The following ZNF28 variants were observed in gnomAD, a reference collection of about 807,000 sequenced individuals.
The protein encoded by ZNF28 is zinc finger protein 28, also known as zinc finger protein KOX24.
Under a neutral mutation model 7.2 loss-of-function variants are expected in ZNF28, and 5 were observed. The ratio of observed to expected loss-of-function variants is 0.70; its 90% CI spans 0.36 to 1.46. The LOEUF (loss-of-function observed/expected upper bound fraction) is 1.46, where lower values mean the gene tolerates loss of function less well. Among genes scored for constraint, ZNF28 ranks in the 40% most tolerant of loss-of-function variants. ZNF28 has a pLI of 0.03. For missense variants in ZNF28, 879 were observed against 866.6 expected (o/e 1.01, Z -0.18); for synonymous variants, 288 against 292.4 (o/e 0.99, Z 0.15).
Position 52,798,656 on chromosome 19 carries a change from CT to C in ZNF28, c.*1031del. On this transcript the variant is annotated 3_prime_UTR_variant, in exon 4 of 4. Transcript: ENST00000457749. ...ATGTTTTGCATAGGATGAAACTTGA[CT>C]GAAGACCTTGCCACAATCATGACAT... 1 of 436,548 alleles carries C rather than the reference CT, an allele frequency of 2.3e-6. No individual in the cohort carries two copies. The highest frequency in any genetic ancestry group is 1.8e-5 in the South Asian group (1 of 56,426). The allele number at this position is 436,548 out of a possible 1,614,324, so 27.0% of individuals were successfully genotyped here.
At position 52,797,531 on chromosome 19, in the gene ZNF28, T is replaced by C. The variant is rs371329594; in HGVS notation, c.*2157A>G. 9.2e-5 allele frequency: 14 copies of C among 152,214 alleles called. No individual in the cohort carries two copies. The highest frequency in any genetic ancestry group is 2.9e-4 in the African/African-American group (12 of 41,442). 9.4% of individuals were successfully genotyped at this position (152,214 alleles called of 1,614,324 possible). A position where few individuals can be genotyped will look rare whatever the true frequency, so the allele number is the denominator to read the frequency against. ...TCAGTGTATTTGCAGAATAGAATAA[T>C]AGCACCAAAAATTAGTTGAATTTCC... On this transcript the variant is annotated 3_prime_UTR_variant, in exon 4 of 4. Coordinates refer to ENST00000457749, the MANE Select transcript of ZNF28 (RefSeq NM_006969.5).
At chr19:52,809,659 A>T (rs918847787) in intron 2 of ZNF28, among the ~76,000 whole-genome samples, 1 of 152,166 alleles carries the variant, frequency 6.6e-6, no homozygotes, top group Non-Finnish European at 1.5e-5. Context: ...TACAAAAAAT[A>T]GCCAGACGTG....
In ZNF28 at chr19:52,801,365, A is replaced by C; in HGVS notation, c.480T>G (p.Ile160Met). 3.1e-6 allele frequency: 5 copies of C among 1,614,212 alleles called. No individual in the cohort carries two copies. The highest frequency in any genetic ancestry group is 4.2e-6 in the Non-Finnish European group (5 of 1,180,036). ...ELHIFQPEGK[I>M]GNQVEKSINN... ...TGATAGACTTCTCAACTTGATTACC[A>C]ATTTTCCCTTCAGGCTGAAATATGT... The change falls in exon 4 of 4, where the codon ATT (isoleucine) becomes ATG (methionine). Residue 160 changes from isoleucine (I) to methionine (M), a missense_variant. Ile to Met is a conservative substitution (Grantham distance 10). Coordinates refer to ENST00000457749, the MANE Select transcript of ZNF28 (RefSeq NM_006969.5).
intron 1 of ZNF28, among the ~76,000 whole-genome samples, chr19:52,818,330 T>C (rs1328839390): frequency 6.6e-6 from 1 of 152,196 alleles, no homozygotes; most frequent in East Asian, 1.9e-4. Flanking sequence ...TGGTCCCAGC[T>C]ACTTAGGAAG....
chr19:52,808,255 C>A, intron 2 of ZNF28, 122 bp from the exon 3 acceptor site: 1 of 1,507,798 alleles, frequency 6.6e-7, no homozygotes, highest in Non-Finnish European at 8.9e-7. Flanking sequence ...ATCCGAGTGA[C>A]GGATTTTTCA....
Position 52,807,845 on chromosome 19 carries a change from T to C in ZNF28, c.142+162A>G, listed in dbSNP as rs555956579. On this transcript the variant is annotated intron_variant, in intron 3 of 3. Transcript: ENST00000457749. ...GCTATCATGAAGAATGCAGAACCTC[T>C]AAACAAAGGGGACAGTGAAAGTCCA... 2,569 of 1,195,270 alleles carry C rather than the reference T, an allele frequency of 2.1e-3. 4 individuals are homozygous for C. Among genetic ancestry groups the C allele is most frequent in the Non-Finnish European group, 2.8e-3 (2,427 of 863,698 alleles). 74.0% of individuals were successfully genotyped at this position (1,195,270 alleles called of 1,614,324 possible).
Position 52,809,335 on chromosome 19 carries a change from A to C in ZNF28, c.16-1202T>G, listed in dbSNP as rs7254262. On this transcript the variant is annotated intron_variant, in intron 2 of 3. Coordinates refer to ENST00000457749, the MANE Select transcript of ZNF28 (RefSeq NM_006969.5). ...AGGACACATGTGTTGTCATTCAGCC[A>C]ATTTCCAATGCAGATGTCAAAGAGC... 6.3e-3 allele frequency among the ~76,000 whole-genome samples: 954 copies of C among 152,360 alleles called. 11 individuals are homozygous for C. Among genetic ancestry groups the C allele is most frequent in the African/African-American group, 0.02 (851 of 41,580 alleles).
At position 52,816,672 on chromosome 19, in the gene ZNF28, GA is replaced by G. The variant is rs66490367; in HGVS notation, c.15+1271del. ...GAGTGAAAACATCATCTCAAAAAAA[GA>G]AAAAAAAAATTAGTTGGGGATGGTG... On this transcript the variant is annotated intron_variant, in intron 2 of 3. Transcript: ENST00000457749. Among the ~76,000 whole-genome samples the G allele has an allele frequency of 6.9e-4, 98 of 142,628 alleles. 14 individuals are homozygous for G. The highest frequency in any genetic ancestry group is 3.5e-3 in the Middle Eastern group (1 of 282). 93.6% of individuals were successfully genotyped at this position (142,628 alleles called of 152,430 possible).
intron 2 of ZNF28, among the ~76,000 whole-genome samples, chr19:52,809,258 A>G (rs4801937): frequency 0.87 from 132,467 of 151,628 alleles, 58,105 homozygotes; most frequent in East Asian, 0.91. Context: ...AGTAATGCGG[A>G]CGTGCACAGA....
intron 2 of ZNF28, among the ~76,000 whole-genome samples, chr19:52,811,421 G>A (rs1276483879): frequency 1.4e-5 from 2 of 146,876 alleles, no homozygotes; most frequent in South Asian, 4.3e-4. Context: ...GTCTCTGCCC[G>A]GCCGCCATCC....
chr19:52,811,039 G>A (rs1315448968), intron 2 of ZNF28, among the ~76,000 whole-genome samples: 3 of 147,990 alleles, frequency 2.0e-5, no homozygotes, highest in Non-Finnish European at 4.5e-5. Context: ...GCAGGCACGC[G>A]CCGCCACGCC....
chr19:52,803,788 C>A (rs1166442518), intron 3 of ZNF28, among the ~76,000 whole-genome samples: 1 of 152,068 alleles, frequency 6.6e-6, no homozygotes, highest in Non-Finnish European at 1.5e-5. Flanking sequence ...GAAACCCCAT[C>A]TCTACTAAAA....
intron 3 of ZNF28, among the ~76,000 whole-genome samples, chr19:52,804,796 C>G (rs918780112): frequency 2.0e-5 from 3 of 152,180 alleles, no homozygotes; most frequent in Admixed American, 6.5e-5. Context: ...TGAGACATCA[C>G]AGCTGGCCAG....
At chr19:52,804,720 G>A (rs1568650472) in intron 3 of ZNF28, among the ~76,000 whole-genome samples, 1 of 152,038 alleles carries the variant, frequency 6.6e-6, no homozygotes, top group Non-Finnish European at 1.5e-5. Context: ...GGCCAGACTG[G>A]TCTCAAACTC....
In ZNF28 at chr19:52,808,015, A is replaced by G. The variant is rs776587752; in HGVS notation, c.134T>C (p.Val45Ala). 1 of 1,613,274 alleles carries G rather than the reference A, an allele frequency of 6.2e-7. No homozygotes were observed. The highest frequency in any genetic ancestry group is 2.2e-5 in the East Asian group (1 of 44,856). ...DVMLENYRNL[V>A]SLDISSKCMM... The stretch of plus-strand genomic sequence containing the variant: ...CAGGAGGTTATCCTCACCCAGGGAG[A>G]CCAGGTTCCTATAATTCTCCAGCAT... The change falls in exon 3 of 4, where the codon GTC becomes GCC. Residue 45 changes from valine (V) to alanine (A), a missense_variant. Physicochemically the swap from Val to Ala is moderately conservative, Grantham distance 64. This residue lies in a region of ZNF28 where 864 missense variants were observed against 830.2 expected (regional missense o/e 1.04). Transcript: ENST00000457749.
intron 2 of ZNF28, among the ~76,000 whole-genome samples, chr19:52,811,876 C>T (rs1418273506): frequency 5.1e-5 from 7 of 135,932 alleles, no homozygotes; most frequent in East Asian, 2.3e-4. Context: ...CCGCCCCGTC[C>T]GGGAGGGAGG....
At chr19:52,810,597 C>A (rs1338669453) in intron 2 of ZNF28, 226 of 1,544,790 alleles carry the variant, frequency 1.5e-4, no homozygotes, top group Non-Finnish European at 8.0e-6. Context: ...CGCGCCCGAC[C>A]ACCAACTACA....
intron 2 of ZNF28, among the ~76,000 whole-genome samples, chr19:52,815,778 T>C (rs1470284535): frequency 2.1e-5 from 3 of 146,058 alleles, no homozygotes; most frequent in Non-Finnish European, 3.0e-5. Flanking sequence ...TGAGCCGAGA[T>C]TGCACCACTG....
intron 3 of ZNF28, 68 bp downstream of exon 3, chr19:52,807,939 G>A (rs533737342): frequency 5.0e-6 from 8 of 1,605,626 alleles, no homozygotes; most frequent in Non-Finnish European, 6.0e-6. Context: ...TAAGGATGTG[G>A]CTCCCAAGAG....
Sources: gnomAD v4.1 joint callset for allele counts (sites outside exome capture counted in the v4.1 genomes callset) on GRCh38, gnomAD v4.1.1 for gene constraint, gnomAD v4.1.1 regional missense constraint, MANE v1.5 for transcripts, NCBI Gene and HGNC (gene_info 2026-07-23, HGNC 2026-07-21) for gene names.